The following MIER1 variants were observed in gnomAD, a reference collection of about 807,000 sequenced individuals.
MIER1 encodes the protein MIER1 transcriptional regulator.
Under a neutral mutation model 75.7 loss-of-function variants are expected in MIER1, and 40 were observed. The ratio of observed to expected loss-of-function variants is 0.53; its 90% confidence interval spans 0.41 to 0.69. The LOEUF (loss-of-function observed/expected upper bound fraction) is 0.69. Among genes scored for constraint, MIER1 ranks in the 30% least tolerant of loss-of-function variants. MIER1 has a pLI of 0.00. For missense variants in MIER1, 574 were observed against 680.2 expected (o/e 0.84, Z 1.74); for synonymous variants, 213 against 223.4 (o/e 0.95, Z 0.42).
At chr1:66,949,624 A>G (rs560390128) in intron 4 of MIER1, among the ~76,000 whole-genome samples, 1 of 152,324 alleles carries the variant, frequency 6.6e-6, no homozygotes, top group South Asian at 2.1e-4. Context: ...AAGCTAAGCA[A>G]TATTTTGGGG....
At chr1:66,938,279 CAT>C (rs1291953298) in intron 2 of MIER1, among the ~76,000 whole-genome samples, 1 of 152,150 alleles carries the variant, frequency 6.6e-6, no homozygotes, top group African/African-American at 2.4e-5. Flanking sequence ...TAATATCTAA[CAT>C]CAATAAAAAT....
rs933043042 is a variant in MIER1, at chr1:66,984,509, A to G, written c.1370-63A>G. 7 of 1,172,182 alleles carry G rather than the reference A, an allele frequency of 6.0e-6. No individual in the cohort carries two copies. In the Admixed American group the frequency reaches 6.9e-5, roughly 12 times the overall value. 72.6% of individuals were successfully genotyped at this position (1,172,182 alleles called of 1,614,324 possible). A position where few individuals can be genotyped will look rare whatever the true frequency, so the allele number is the denominator to read the frequency against. On this transcript the variant is annotated intron_variant, in intron 13 of 13. Transcript: ENST00000401041. Reference sequence around the variant, plus strand: ...GATAACAATAACTACAAGCTGTTTTATAATAGTTTGCAAATTTAACTTTTT... The same window carrying G: ...GATAACAATAACTACAAGCTGTTTTGTAATAGTTTGCAAATTTAACTTTTT...
chr1:66,986,469 A>T lies in MIER1; in HGVS notation c.*1569A>T, dbSNP rs1198891562. 4 of 1,608,656 alleles carry T rather than the reference A, an allele frequency of 2.5e-6. No individual in the cohort carries two copies. In the African/African-American group the frequency reaches 5.3e-5, roughly 22 times the overall value. On this transcript the variant is annotated 3_prime_UTR_variant, in exon 14 of 14. Transcript: ENST00000401041. ...AGTTCAAGAGCCAATGCCTTTTTAA[A>T]ATAAAGCTTCTGTGGTCTTGTTTTT...
At chr1:66,945,436 CTCTGAATGTTT>C (rs1488569167) in intron 3 of MIER1, among the ~76,000 whole-genome samples, 2 of 151,568 alleles carry the variant, frequency 1.3e-5, no homozygotes, top group African/African-American at 4.8e-5. Context: ...TTGTTTTTTT[CTCTGAATGTTT>C]TCAATCTGCT....
At chr1:66,930,511 T>C (rs1004198993) in intron 2 of MIER1, 2 of 1,137,040 alleles carry the variant, frequency 1.8e-6, no homozygotes, top group Admixed American at 2.9e-5. Flanking sequence ...CTGGCGCCGC[T>C]GCCCACCTGT....
chr1:66,981,753 A>T (rs952285291), intron 12 of MIER1, 26 bp from the exon 13 acceptor site: 2 of 1,543,648 alleles, frequency 1.3e-6, no homozygotes, highest in Admixed American at 4.0e-5. Context: ...TCTTTTTAAT[A>T]TAAAAATTGT....
intron 4 of MIER1, among the ~76,000 whole-genome samples, chr1:66,956,947 G>C (rs1660249273): frequency 6.6e-6 from 1 of 152,144 alleles, no homozygotes; most frequent in Non-Finnish European, 1.5e-5. Context: ...GTAGCAATGT[G>C]TTTAACACAT....
intron 12 of MIER1, among the ~76,000 whole-genome samples, chr1:66,980,214 T>TA (rs1255557002): frequency 2.0e-5 from 3 of 152,246 alleles, no homozygotes; most frequent in Non-Finnish European, 2.9e-5. Flanking sequence ...TCAAATTTGT[T>TA]ATGTAATTTT....
rs1293332116 is a variant in MIER1, at chr1:66,925,450, T to G, written c.67+355T>G. 9 of 985,316 alleles carry G rather than the reference T, an allele frequency of 9.1e-6. No individual in the cohort carries two copies. The African/African-American group carries it at 1.4e-4, about 15-fold the overall frequency. The allele number at this position is 985,316 out of a possible 1,614,324, so 61.0% of individuals were successfully genotyped here. On this transcript the variant is annotated intron_variant, in intron 1 of 13. Transcript: ENST00000401041. The stretch of plus-strand genomic sequence containing the variant: ...CGGGGTGGGGCTAAGCTGACCACCC[T>G]GCTGTGGCTCCGCCTCTTTCTCCTG...
chr1:66,961,635 C>T (rs1661275251), intron 7 of MIER1, among the ~76,000 whole-genome samples: 1 of 151,600 alleles, frequency 6.6e-6, no homozygotes, highest in Admixed American at 6.6e-5. Context: ...CTACCAGGGC[C>T]TTCATTCATA....
chr1:66,958,876 G>C lies in MIER1; in HGVS notation c.527G>C (p.Gly176Ala). The C allele has an allele frequency of 6.2e-7, 1 of 1,610,590 alleles. No individual in the cohort carries two copies. The highest frequency in any genetic ancestry group is 8.5e-7 in the Non-Finnish European group (1 of 1,177,288). ...NKEENIKDSS[G>A]QEDETQSSND... is the part of the protein sequence containing the mutation. The stretch of plus-strand genomic sequence containing the variant: ...GAGGAGAATATAAAGGATTCATCAG[G>C]TCAGGAGGATGAAACTCAGTCTTCC... Residue 176 changes from glycine (G) to alanine (A), a missense_variant, in exon 6 of 14, where the codon GGT becomes GCT. Physicochemically the swap from Gly to Ala is moderately conservative, Grantham distance 60 (BLOSUM62 0). This residue lies in a region of MIER1 where 309 missense variants were observed against 352.8 expected (regional missense o/e 0.88). Transcript: ENST00000401041.
intron 3 of MIER1, 95 bp from the exon 4 acceptor site, chr1:66,946,055 G>T: frequency 3.4e-6 from 4 of 1,175,624 alleles, no homozygotes; most frequent in South Asian, 1.7e-5. Flanking sequence ...TGGTACTTTT[G>T]ACTTACATCC....
chr1:66,930,188 C>A (rs908288360), intron 2 of MIER1: 1 of 1,355,830 alleles, frequency 7.4e-7, no homozygotes, highest in Non-Finnish European at 9.5e-7. Context: ...CCCTCCAGTC[C>A]AGCCCAGCCG....
chr1:66,925,115 G>A lies in MIER1; in HGVS notation c.67+20G>A, dbSNP rs1569950455. On this transcript the variant is annotated intron_variant, in intron 1 of 13. Coordinates refer to ENST00000401041, the MANE Select transcript of MIER1 (RefSeq NM_001077700.3). ...GCGGCTGTAAGTGCAGCCTCCACAA[G>A]CCATCTCTCCCCTTCTATTCCAGTT... The A allele has an allele frequency of 6.5e-7, 1 of 1,545,694 alleles. No individual in the cohort carries two copies. Among genetic ancestry groups the A allele is most frequent in the Non-Finnish European group, 8.7e-7 (1 of 1,145,356 alleles).
intron 5 of MIER1, 41 bp from the exon 6 acceptor site, chr1:66,958,810 T>C: frequency 2.0e-6 from 3 of 1,535,462 alleles, no homozygotes; most frequent in Non-Finnish European, 2.7e-6. Flanking sequence ...CTGCAACTGT[T>C]TTCCTTACAT....
At chr1:66,978,034 T>C (rs894453568) in intron 12 of MIER1, among the ~76,000 whole-genome samples, 2 of 151,862 alleles carry the variant, frequency 1.3e-5, no homozygotes, top group African/African-American at 4.8e-5. Context: ...CCATATCTAC[T>C]AAAAATACAA....
intron 3 of MIER1, among the ~76,000 whole-genome samples, chr1:66,942,889 C>T (rs576551054): frequency 1.6e-4 from 25 of 152,104 alleles, no homozygotes; most frequent in Non-Finnish European, 2.8e-4. Context: ...AAAAAATGGA[C>T]TTCAGGTGAG....
chr1:66,984,767 A>G lies in MIER1; in HGVS notation c.1565A>G (p.Asp522Gly). 6.2e-7 allele frequency: 1 copy of G among 1,614,060 alleles called. No individual in the cohort carries two copies. The highest frequency in any genetic ancestry group is 1.1e-5 in the South Asian group (1 of 91,084). ...HMTARNENDF[D>G]EKSERPAKRR... ...ACTGCAAGAAATGAAAATGATTTTG[A>G]TGAAAAAAGTGAGAGACCTGCCAAA... Residue 522 changes from aspartate to glycine, a missense_variant, in exon 14 of 14, where the codon GAT (aspartate) becomes GGT (glycine). Asp to Gly is a moderately conservative substitution (Grantham distance 94, BLOSUM62 -1). Around this residue, in one of 3 missense-constraint regions of MIER1, gnomAD observed 164 missense variants for 154.3 expected, o/e 1.06. Coordinates refer to ENST00000401041, the MANE Select transcript of MIER1 (RefSeq NM_001077700.3).
rs1666787859 is a variant in MIER1 at position 66,986,399 on chromosome 1, A to G, written c.*1499A>G. On this transcript the variant is annotated 3_prime_UTR_variant, in exon 14 of 14. Coordinates refer to ENST00000401041, the MANE Select transcript of MIER1 (RefSeq NM_001077700.3). ...TATTAATTATTCTTGTTTTTCTCAC[A>G]CAGGCATACTCCAAATGCTTCTTCC... 1 of 1,611,412 alleles carries G rather than the reference A, an allele frequency of 6.2e-7. No homozygotes were observed. The highest frequency in any genetic ancestry group is 8.5e-7 in the Non-Finnish European group (1 of 1,178,680).
Sources: allele counts gnomAD v4.1 joint callset (sites outside exome capture counted in the v4.1 genomes callset), GRCh38; gene constraint gnomAD v4.1.1; regional missense constraint gnomAD v4.1.1; transcripts MANE v1.5; gene names NCBI Gene and HGNC (gene_info 2026-07-23, HGNC 2026-07-21).